Variants in BTBD9 observed in about 807,000 individuals in gnomAD.
The protein encoded by BTBD9 is BTB domain containing 9, also known as BTB/POZ domain-containing protein 9.
In BTBD9, 49 loss-of-function variants were observed where a neutral mutation model predicts 64.3. That is an observed-to-expected ratio of 0.76 (90% CI 0.61 to 0.97). BTBD9 has a LOEUF of 0.97. Among genes scored for constraint, BTBD9 ranks in the 50% least tolerant of loss-of-function variants. BTBD9 has a pLI of 0.00. For missense variants in BTBD9, 598 were observed against 762.1 expected, an observed-to-expected ratio of 0.78 and a Z score of 2.53; for synonymous variants, 260 against 274.7, an observed-to-expected ratio of 0.95 and a Z score of 0.53.
Position 38,174,996 on chromosome 6 carries a change from G to A in BTBD9, c.1828C>T (p.Gln610Ter), listed in dbSNP as rs1185510513. ...PGSNSRSPNR[Q>*]HQ The stretch of plus-strand genomic sequence containing the variant: ...GCCCGCTGCCTCCTTTATTGGTGCT[G>A]CCGGTTGGGGGAGCGTGAGTTGGAG... Residue 610 changes from glutamine (Q) to a stop codon, truncating the protein, a stop_gained, in exon 11 of 11, where the codon CAG (glutamine) becomes TAG (stop). Coordinates refer to ENST00000481247, the MANE Select transcript of BTBD9 (RefSeq NM_001099272.2). LOFTEE classifies it high-confidence loss of function. The A allele has an allele frequency of 1.2e-6, 2 of 1,613,932 alleles. No individual in the cohort carries two copies. The highest frequency in any genetic ancestry group is 1.7e-6 in the Non-Finnish European group (2 of 1,180,030).
intron 8 of BTBD9, among the ~76,000 whole-genome samples, chr6:38,280,000 C>T (rs1032724219): frequency 2.0e-5 from 3 of 151,716 alleles, no homozygotes; most frequent in African/African-American, 4.8e-5. Context: ...CACATGAACA[C>T]ACAAACATAT....
At position 38,264,017 on chromosome 6, in the gene BTBD9, C is replaced by T. The variant is rs191686933; in HGVS notation, c.1455-7501G>A. The stretch of plus-strand genomic sequence containing the variant: ...GTAAAGAGCAGGGGTGGTGGGAAAC[C>T]TCCCTTATGATGGCAATCTTTTCGT... On this transcript the variant is annotated intron_variant, in intron 8 of 10. Transcript: ENST00000481247. 1.2e-3 allele frequency among the ~76,000 whole-genome samples: 183 copies of T among 152,212 alleles called. 5 individuals carry two copies. Among genetic ancestry groups the T allele is most frequent in the Non-Finnish European group, 2.2e-4 (15 of 68,024 alleles).
chr6:38,211,096 C>G (rs1310062289), intron 9 of BTBD9, among the ~76,000 whole-genome samples: 1 of 152,150 alleles, frequency 6.6e-6, no homozygotes, highest in Non-Finnish European at 1.5e-5. Context: ...TTGCAAAGTT[C>G]AAGTCTCTGA....
chr6:38,428,119 G>A (rs909560103), intron 6 of BTBD9, among the ~76,000 whole-genome samples: 6 of 151,848 alleles, frequency 4.0e-5, no homozygotes, highest in Non-Finnish European at 7.3e-5. Context: ...TTGGGTGAGG[G>A]GGATAACAGT....
intron 6 of BTBD9, among the ~76,000 whole-genome samples, chr6:38,391,572 A>C (rs1224223704): frequency 6.6e-6 from 1 of 152,086 alleles, no homozygotes; most frequent in African/African-American, 2.4e-5. Context: ...TCTTTTAACT[A>C]ATCTTTTTGA....
intron 6 of BTBD9, among the ~76,000 whole-genome samples, chr6:38,504,929 A>ATTTC (rs1562272359): frequency 6.6e-6 from 1 of 152,206 alleles, no homozygotes; most frequent in Non-Finnish European, 1.5e-5. Flanking sequence ...TTCCACCAAA[A>ATTTC]CACTGGAAAT....
chr6:38,337,854 G>T (rs574203026), intron 7 of BTBD9, among the ~76,000 whole-genome samples: 1 of 152,254 alleles, frequency 6.6e-6, no homozygotes, highest in South Asian at 2.1e-4. Context: ...TTACCAGCCT[G>T]TTTTTTTGTT....
intron 6 of BTBD9, among the ~76,000 whole-genome samples, chr6:38,357,341 C>T (rs1582285772): frequency 6.6e-6 from 1 of 152,172 alleles, no homozygotes; most frequent in East Asian, 1.9e-4. Flanking sequence ...ACCACTTGTT[C>T]ATCTGCTTTA....
intron 8 of BTBD9, among the ~76,000 whole-genome samples, chr6:38,282,586 T>G (rs1004977066): frequency 6.6e-5 from 10 of 151,992 alleles, no homozygotes; most frequent in African/African-American, 2.2e-4. Context: ...GGTGGCGGGG[T>G]GGGATGGAAA....
At chr6:38,456,353 G>A (rs970655740) in intron 6 of BTBD9, among the ~76,000 whole-genome samples, 3 of 152,138 alleles carry the variant, frequency 2.0e-5, no homozygotes, top group Admixed American at 6.5e-5. Flanking sequence ...GTGAACGTAC[G>A]ATTTCACTTG....
chr6:38,585,938 CCACACACACACACACACA>C lies in BTBD9; in HGVS notation c.815-5519_815-5502del, dbSNP rs10660204. Among the ~76,000 whole-genome samples the C allele has an allele frequency of 5.7e-3, 803 of 140,860 alleles. 6 individuals are homozygous for C. The highest frequency in any genetic ancestry group is 0.019 in the African/African-American group (715 of 37,688). 92.4% of individuals were successfully genotyped at this position (140,860 alleles called of 152,430 possible). On this transcript the variant is annotated intron_variant, in intron 4 of 10. Transcript: ENST00000481247. ...ATAGGTACAGGGTAAACAGGACAGA[CCACACACACACACACACA>C]CACACACACACACACACACACACGC...
intron 6 of BTBD9, among the ~76,000 whole-genome samples, chr6:38,561,911 G>A (rs562641434): frequency 6.6e-6 from 1 of 152,120 alleles, no homozygotes; most frequent in African/African-American, 2.4e-5. Flanking sequence ...CTGCATATGT[G>A]CCCCCCGAAT....
chr6:38,442,341 C>T (rs1458638664), intron 6 of BTBD9, among the ~76,000 whole-genome samples: 1 of 152,028 alleles, frequency 6.6e-6, no homozygotes, highest in Non-Finnish European at 1.5e-5. Context: ...TAAAAATTAG[C>T]TGGGCATGGT....
chr6:38,204,505 C>T (rs980083522), intron 9 of BTBD9, among the ~76,000 whole-genome samples: 2 of 152,018 alleles, frequency 1.3e-5, no homozygotes, highest in African/African-American at 4.8e-5. Flanking sequence ...ATAGAATATA[C>T]AGACAGAAAG....
At chr6:38,529,455 C>T (rs931425631) in intron 6 of BTBD9, among the ~76,000 whole-genome samples, 1 of 152,164 alleles carries the variant, frequency 6.6e-6, no homozygotes, top group African/African-American at 2.4e-5. Context: ...ACCTGGGAAG[C>T]CTTCCCAAGA....
intron 7 of BTBD9, among the ~76,000 whole-genome samples, chr6:38,327,700 T>C (rs1318263180): frequency 6.6e-6 from 1 of 152,232 alleles, no homozygotes; most frequent in African/African-American, 2.4e-5. Context: ...CCCTGCCCAT[T>C]TGTAATTCTT....
chr6:38,527,936 A>C (rs1773582534), intron 6 of BTBD9, among the ~76,000 whole-genome samples: 1 of 152,042 alleles, frequency 6.6e-6, no homozygotes, highest in Non-Finnish European at 1.5e-5. Context: ...TATCCACATA[A>C]AAAAAGCCCC....
intron 6 of BTBD9, among the ~76,000 whole-genome samples, chr6:38,352,752 T>C (rs981080519): frequency 5.3e-5 from 8 of 152,222 alleles, no homozygotes; most frequent in African/African-American, 1.9e-4. Flanking sequence ...GGAACTACTC[T>C]TGCTTCAAAG....
At chr6:38,575,187 C>T (rs2127470409) in intron 6 of BTBD9, among the ~76,000 whole-genome samples, 1 of 152,250 alleles carries the variant, frequency 6.6e-6, no homozygotes, top group East Asian at 1.9e-4. Context: ...GATAAAAAGT[C>T]TCAAGGAATA....
Sources: gnomAD v4.1 joint callset for allele counts (sites outside exome capture counted in the v4.1 genomes callset) on GRCh38, gnomAD v4.1.1 for gene constraint, MANE v1.5 for transcripts, NCBI Gene and HGNC (gene_info 2026-07-23, HGNC 2026-07-21) for gene names.